The following CLECL1 variants were observed in gnomAD, a reference collection of about 807,000 sequenced individuals.
CLECL1 encodes C-type lectin like 1.
chr12:9,704,864 A>G, the CLECL1 span, among the ~76,000 whole-genome samples: 2 of 152,210 alleles, frequency 1.3e-5, no homozygotes, highest in South Asian at 2.1e-4. Flanking sequence ...TAGTGCTGCA[A>G]TGAACATATG....
At chr12:9,712,059 C>T (rs1219990598), downstream of CLECL1, among the ~76,000 whole-genome samples, 1 of 152,090 alleles carries the variant, frequency 6.6e-6, no homozygotes, top group Non-Finnish European at 1.5e-5. Context: ...ATATTCTCTA[C>T]CTTTTGAGGC....
chr12:9,717,342 C>T (rs1216711974), intron 2 of CLECL1, among the ~76,000 whole-genome samples: 1 of 152,166 alleles, frequency 6.6e-6, no homozygotes, highest in East Asian at 1.9e-4. Flanking sequence ...GCAATTATGT[C>T]AGAGAGACAA....
chr12:9,725,451 C>A (rs117103321), intron 3 of CLECL1, among the ~76,000 whole-genome samples: 2,142 of 152,084 alleles, frequency 0.014, 21 homozygotes, highest in Middle Eastern at 0.031. Context: ...AATTTTAGGA[C>A]ACATTTAATG....
At chr12:9,713,451 G>A (rs1208491838), downstream of CLECL1, among the ~76,000 whole-genome samples, 1 of 152,202 alleles carries the variant, frequency 6.6e-6, no homozygotes, top group Admixed American at 6.5e-5. Context: ...AATGAAATCT[G>A]GTTTAGGCCA....
rs143220213 is a variant in CLECL1, at chr12:9,731,448, G to A, written n.82+1501C>T. 1.8e-4 allele frequency among the ~76,000 whole-genome samples: 27 copies of A among 152,226 alleles called. No individual in the cohort carries two copies. The East Asian group carries it at 4.6e-3, about 26-fold the overall frequency. On this transcript the variant is annotated intron_variant and non_coding_transcript_variant, in intron 1 of 3. Coordinates refer to ENST00000621400, the Ensembl canonical transcript of CLECL1. ...TGACAACCTTTAGGAGAAAAGAAAA[G>A]GCCAATAGCCAGAGCAAAATCAGTG... is the stretch of plus-strand genomic sequence containing the variant.
the CLECL1 span, among the ~76,000 whole-genome samples, chr12:9,703,846 G>A: frequency 0.057 from 8,627 of 152,078 alleles, 268 homozygotes; most frequent in African/African-American, 0.072. Flanking sequence ...ATGAGAAATA[G>A]TCACCTTTTG....
At chr12:9,711,321 G>C (rs369355919), downstream of CLECL1, among the ~76,000 whole-genome samples, 11 of 152,152 alleles carry the variant, frequency 7.2e-5, no homozygotes, top group Non-Finnish European at 1.5e-5. Context: ...CTTATTCTGG[G>C]TTCCAGAGAA....
downstream of CLECL1, among the ~76,000 whole-genome samples, chr12:9,711,304 GCTTATA>G (rs1866198471): frequency 2.0e-5 from 3 of 152,086 alleles, no homozygotes; most frequent in South Asian, 6.2e-4. Flanking sequence ...TAATTTTCTG[GCTTATA>G]CTTATTCTGG....
chr12:9,722,555 T>A, downstream of CLECL1: 6 of 1,506,530 alleles, frequency 4.0e-6, no homozygotes, highest in South Asian at 8.6e-5. Flanking sequence ...AAGTTGAAAC[T>A]TCTTTTCACA....
chr12:9,718,620 TTAAA>T (rs1866267553), downstream of CLECL1: 1 of 633,380 alleles, frequency 1.6e-6, no homozygotes, highest in Non-Finnish European at 2.8e-6. Flanking sequence ...GACACAACCT[TTAAA>T]GATGTAATTA....
the CLECL1 span, among the ~76,000 whole-genome samples, chr12:9,708,528 G>A: frequency 6.6e-6 from 1 of 152,102 alleles, no homozygotes; most frequent in African/African-American, 2.4e-5. Context: ...GCCAGGCAAC[G>A]GGCACAATAT....
At chr12:9,733,030 T>C (rs755339740) in exon 1 of CLECL1, 12 of 1,614,044 alleles carry the variant, frequency 7.4e-6, no homozygotes, top group Admixed American at 6.7e-5. Context: ...TCTCCAGCCA[T>C]TGCACAGATC....
the CLECL1 span, among the ~76,000 whole-genome samples, chr12:9,707,374 A>G: frequency 1.3e-5 from 2 of 152,216 alleles, no homozygotes; most frequent in African/African-American, 4.8e-5. Context: ...TAATTTTATC[A>G]TTTTATTAGA....
downstream of CLECL1, among the ~76,000 whole-genome samples, chr12:9,711,921 T>A (rs73059569): frequency 0.011 from 1,600 of 152,324 alleles, 15 homozygotes; most frequent in Non-Finnish European, 0.017. Context: ...TGACTCAAGC[T>A]GAAAGCCTAG....
downstream of CLECL1, among the ~76,000 whole-genome samples, chr12:9,721,915 G>C (rs956531595): frequency 2.6e-5 from 4 of 152,128 alleles, no homozygotes; most frequent in African/African-American, 9.7e-5. Context: ...TCTTGGTGTG[G>C]ATTTCTGTGA....
intron 1 of CLECL1, among the ~76,000 whole-genome samples, chr12:9,730,081 C>A (rs1368938342): frequency 6.6e-6 from 1 of 152,100 alleles, no homozygotes; most frequent in Non-Finnish European, 1.5e-5. Flanking sequence ...CATTGTAATT[C>A]CATAAAACCA....
downstream of CLECL1, chr12:9,718,563 T>G: frequency 2.0e-6 from 1 of 496,152 alleles, no homozygotes; most frequent in Non-Finnish European, 3.5e-6. Flanking sequence ...AAAATTCATA[T>G]TTTGAAGTCC....
At chr12:9,704,666 A>G in the CLECL1 span, among the ~76,000 whole-genome samples, 2,526 of 152,008 alleles carry the variant, frequency 0.017, 62 homozygotes, top group African/African-American at 0.054. Flanking sequence ...GTGGTATTTG[A>G]TTTTCCATTC....
At chr12:9,705,024 A>G in the CLECL1 span, among the ~76,000 whole-genome samples, 1 of 152,184 alleles carries the variant, frequency 6.6e-6, no homozygotes, top group African/African-American at 2.4e-5. Flanking sequence ...TTACACTCCC[A>G]CCAACAACGT....
Sources: gnomAD v4.1 joint callset for allele counts (sites outside exome capture counted in the v4.1 genomes callset) on GRCh38, gnomAD v4.1.1 for gene constraint, MANE v1.5 for transcripts, NCBI Gene and HGNC (gene_info 2026-07-23, HGNC 2026-07-21) for gene names.